Variants in ANKS1A observed in about 807,000 individuals in gnomAD.
ANKS1A encodes the protein ankyrin repeat and SAM domain-containing protein 1A.
A neutral mutation model predicts 120.3 loss-of-function variants in ANKS1A; 55 were observed. The ratio of observed to expected loss-of-function variants is 0.46; its 90% CI spans 0.37 to 0.57. ANKS1A has a LOEUF of 0.57. Among genes scored for constraint, ANKS1A ranks in the 20% least tolerant of loss-of-function variants. ANKS1A has a pLI of 0.00. For synonymous variants in ANKS1A, 590 were observed against 604.7 expected (o/e 0.98, Z 0.36); for missense variants, 1,123 against 1,480.3 (o/e 0.76, Z 3.96).
In ANKS1A at chr6:34,982,118, G is replaced by A. The variant is rs563791844; in HGVS notation, c.732+132G>A. The stretch of plus-strand genomic sequence containing the variant: ...ATCATGTTTCAAATGCTTATTTGCC[G>A]ACTCATTCTAATGTGACACTAAGAA... On this transcript the variant is annotated intron_variant, in intron 4 of 23. Coordinates refer to ENST00000360359, the MANE Select transcript of ANKS1A (RefSeq NM_015245.3). The surrounding 1 kb of genome is among the most constrained non-coding windows in gnomAD (Gnocchi z 4.9). The A allele has an allele frequency of 2.4e-5, 27 of 1,146,118 alleles. No individual in the cohort carries two copies. The highest frequency in any genetic ancestry group is 2.0e-4 in the South Asian group (13 of 63,650). The allele number at this position is 1,146,118 out of a possible 1,614,324, so 71.0% of individuals were successfully genotyped here. A position where few individuals can be genotyped will look rare whatever the true frequency, so the allele number is the denominator to read the frequency against.
chr6:35,010,580 G>T (rs572638293), intron 10 of ANKS1A, among the ~76,000 whole-genome samples: 34 of 152,300 alleles, frequency 2.2e-4, no homozygotes, highest in African/African-American at 7.7e-4. Context: ...ATTCTAGGTG[G>T]CTGTGAACCT....
intron 11 of ANKS1A, among the ~76,000 whole-genome samples, chr6:35,042,247 A>T (rs1455922400): frequency 1.3e-5 from 2 of 152,212 alleles, no homozygotes; most frequent in Admixed American, 1.3e-4. Flanking sequence ...CGACACAGGA[A>T]CTTAGCAGTA....
At chr6:34,991,663 T>TATATATACACATATATATAC (rs59575328) in intron 9 of ANKS1A, among the ~76,000 whole-genome samples, 10 of 86,498 alleles carry the variant, frequency 1.2e-4, no homozygotes, top group African/African-American at 3.1e-4. Flanking sequence ...TATATACACA[T>TATATATACACATATATATAC]ATATATACAC....
intron 13 of ANKS1A, among the ~76,000 whole-genome samples, chr6:35,071,884 G>C (rs1265457548): frequency 6.6e-6 from 1 of 152,236 alleles, no homozygotes; most frequent in Non-Finnish European, 1.5e-5. Flanking sequence ...CCAGTGTGGA[G>C]GGAGAGGGAG....
chr6:34,889,438 C>T lies in ANKS1A; in HGVS notation c.36C>T (p.Arg12=). 1 of 1,287,490 alleles carries T rather than the reference C, an allele frequency of 7.8e-7. No homozygotes were observed. The allele number at this position is 1,287,490 out of a possible 1,614,324, so 79.8% of individuals were successfully genotyped here. The change falls in exon 1 of 24, where the codon CGC becomes CGT. Residue 12 remains arginine, a synonymous_variant. Coordinates refer to ENST00000360359, the MANE Select transcript of ANKS1A (RefSeq NM_015245.3). The surrounding 1 kb of genome is among the most constrained non-coding windows in gnomAD (Gnocchi z 5.5). ...GKEQELLEAA[R]TGHLPAVEKL... ...AGCAGGAGCTGCTGGAGGCGGCCCG[C>T]ACCGGGCACCTCCCGGCGGTGGAGA...
chr6:34,929,921 G>A (rs561934459), intron 1 of ANKS1A, among the ~76,000 whole-genome samples: 31 of 150,496 alleles, frequency 2.1e-4, no homozygotes, highest in Admixed American at 6.0e-4. Context: ...CATTGCTTAG[G>A]CCTTACTTTC....
chr6:35,094,077 G>A (rs1053504936), downstream of ANKS1A, among the ~76,000 whole-genome samples: 2 of 152,212 alleles, frequency 1.3e-5, no homozygotes, highest in African/African-American at 2.4e-5. Context: ...GTGGAGGCCA[G>A]GTGGGGAAGC....
At chr6:34,934,228 A>C (rs1280920312) in intron 1 of ANKS1A, among the ~76,000 whole-genome samples, 2 of 151,984 alleles carry the variant, frequency 1.3e-5, no homozygotes, top group Non-Finnish European at 2.9e-5. Context: ...GCTCACTGCA[A>C]GCTCCACCTC....
At chr6:35,097,619 C>T in the ANKS1A span, among the ~76,000 whole-genome samples, 26,654 of 137,452 alleles carry the variant, frequency 0.19, 3,034 homozygotes, top group African/African-American at 0.31. Context: ...TGACACAAGG[C>T]ACCAGAAAAA....
intron 13 of ANKS1A, among the ~76,000 whole-genome samples, chr6:35,063,724 G>A (rs1776629367): frequency 6.6e-6 from 1 of 152,214 alleles, no homozygotes; most frequent in Non-Finnish European, 1.5e-5. Flanking sequence ...ACCATGAATA[G>A]ATGTGAAATC....
At chr6:34,900,622 A>G (rs1234610344) in intron 1 of ANKS1A, among the ~76,000 whole-genome samples, 5 of 152,286 alleles carry the variant, frequency 3.3e-5, no homozygotes, top group South Asian at 4.1e-4. Flanking sequence ...CACTAGTAGT[A>G]TTGCCATTTT....
At chr6:34,945,874 T>A (rs533288403) in intron 1 of ANKS1A, among the ~76,000 whole-genome samples, 1 of 152,114 alleles carries the variant, frequency 6.6e-6, no homozygotes, top group African/African-American at 2.4e-5. Flanking sequence ...TTCTTCATTA[T>A]CCTTTTAATA....
In ANKS1A at chr6:35,086,170, C is replaced by A. The variant is rs1398187074; in HGVS notation, c.3303+234C>A. The A allele has an allele frequency of 3.2e-6, 4 of 1,247,310 alleles. No individual in the cohort carries two copies. The Admixed American group carries it at 6.5e-5, about 20-fold the overall frequency. The allele number at this position is 1,247,310 out of a possible 1,614,324, so 77.3% of individuals were successfully genotyped here. ...GTTTCCCTCCCTCGCTGGGCTCCCC[C>A]AAGGGCAAGGCCGTCAAGGGGCTGC... On this transcript the variant is annotated intron_variant, in intron 22 of 23. Transcript: ENST00000360359. This position sits in a 1 kb window ranked among gnomAD's most constrained non-coding sequence, Gnocchi z 5.1.
intron 13 of ANKS1A, among the ~76,000 whole-genome samples, chr6:35,073,185 C>T (rs1777162505): frequency 6.6e-6 from 1 of 152,220 alleles, no homozygotes. Context: ...GAGCCCAGGA[C>T]AGGCCACACG....
rs575901371 is a variant in ANKS1A, at chr6:34,989,888, T to C, written c.1302+572T>C. ...CTACCCTTTTGAAAAGGAAATGTCATCATGAGGCAAATAACTCAATCACTT... is the reference window on the plus strand; with the variant it reads ...CTACCCTTTTGAAAAGGAAATGTCACCATGAGGCAAATAACTCAATCACTT... On this transcript the variant is annotated intron_variant, in intron 9 of 23. Transcript: ENST00000360359. 1.1e-4 allele frequency among the ~76,000 whole-genome samples: 16 copies of C among 152,330 alleles called. No homozygotes were observed. The South Asian group carries it at 3.3e-3, about 32-fold the overall frequency.
At position 35,081,029 on chromosome 6, in the gene ANKS1A, G is replaced by C. The variant is rs371574315; in HGVS notation, c.2580G>C (p.Leu860=). 2 of 1,614,036 alleles carry C rather than the reference G, an allele frequency of 1.2e-6. No homozygotes were observed. Among genetic ancestry groups the C allele is most frequent in the South Asian group, 2.2e-5 (2 of 91,072 alleles). Residue 860 remains leucine, a synonymous_variant, in exon 17 of 24, where the codon CTG becomes CTC. Transcript: ENST00000360359. ...TGCTCTCCCAGACGTCATCCCCACT[G>C]AGTCAGAATGATTCCTGCACTGGGC... ...QDLLSQTSSP[L]SQNDSCTGRS...
chr6:35,027,698 A>G (rs999732458), intron 11 of ANKS1A, among the ~76,000 whole-genome samples: 1 of 152,156 alleles, frequency 6.6e-6, no homozygotes, highest in African/African-American at 2.4e-5. Flanking sequence ...AGCATCCTCA[A>G]AGATGTGCTC....
intron 10 of ANKS1A, chr6:35,010,033 TA>T (rs1323875365): frequency 9.8e-6 from 2 of 204,610 alleles, no homozygotes; most frequent in African/African-American, 4.8e-5. Context: ...AAAAAATTTT[TA>T]AAAATTAGCT....
At chr6:35,062,043 C>T (rs139776048) in intron 13 of ANKS1A, among the ~76,000 whole-genome samples, 65 of 152,342 alleles carry the variant, frequency 4.3e-4, no homozygotes, top group African/African-American at 1.5e-3. Context: ...TCAAATAGCC[C>T]GAGACTCCGT....
Sources: allele counts gnomAD v4.1 joint callset (sites outside exome capture counted in the v4.1 genomes callset), GRCh38; gene constraint gnomAD v4.1.1; non-coding constraint Gnocchi (gnomAD v3.1); transcripts MANE v1.5; gene names NCBI Gene and HGNC (gene_info 2026-07-23, HGNC 2026-07-21).